The following PIEZO2 variants were observed in gnomAD, a reference collection of about 807,000 sequenced individuals.
PIEZO2 encodes piezo type mechanosensitive ion channel component 2.
A neutral mutation model predicts 337.3 loss-of-function variants in PIEZO2; 172 were observed. The ratio of observed to expected loss-of-function variants is 0.51; its 90% confidence interval spans 0.45 to 0.58. PIEZO2 has a LOEUF of 0.58. Ranked by LOEUF, PIEZO2 falls within the 20% of genes least tolerant of loss-of-function variation. PIEZO2 has a pLI of 0.00. For synonymous variants in PIEZO2, 1,251 were observed against 1,228.5 expected (o/e 1.02, Z -0.38); for missense variants, 3,028 against 3,391.3 (o/e 0.89, Z 2.66).
intron 2 of PIEZO2, among the ~76,000 whole-genome samples, chr18:11,005,781 C>A (rs2145629785): frequency 6.6e-6 from 1 of 152,308 alleles, no homozygotes; most frequent in South Asian, 2.1e-4. Flanking sequence ...CTCCTTAACC[C>A]TGAACTGTGC....
chr18:10,927,061 G>C (rs1343217022), intron 3 of PIEZO2, among the ~76,000 whole-genome samples: 1 of 152,156 alleles, frequency 6.6e-6, no homozygotes, highest in Non-Finnish European at 1.5e-5. Context: ...GGAGCCTTGC[G>C]TTTCTGACCT....
Position 10,973,356 on chromosome 18 carries a change from C to T in PIEZO2, c.286+6179G>A, listed in dbSNP as rs945985776. On this transcript the variant is annotated intron_variant, in intron 3 of 55. Transcript: ENST00000674853. The surrounding 1 kb of genome is among the most constrained non-coding windows in gnomAD (Gnocchi z 4.9). The stretch of plus-strand genomic sequence containing the variant: ...GTTCTCTTTCAGCAATGCTTCCATC[C>T]AGAATCTACTGATCATAAATGTGTC... 2.6e-5 allele frequency among the ~76,000 whole-genome samples: 4 copies of T among 152,206 alleles called. No individual in the cohort carries two copies. Among genetic ancestry groups the T allele is most frequent in the Non-Finnish European group, 5.9e-5 (4 of 68,030 alleles).
chr18:10,983,942 A>G (rs2034771301), intron 2 of PIEZO2, among the ~76,000 whole-genome samples: 2 of 152,140 alleles, frequency 1.3e-5, no homozygotes, highest in Admixed American at 1.3e-4. Context: ...GATAGAGAGA[A>G]GGCACACAAT....
At chr18:10,886,685 ATTG>A (rs2042617079) in intron 4 of PIEZO2, among the ~76,000 whole-genome samples, 1 of 151,218 alleles carries the variant, frequency 6.6e-6, no homozygotes, top group Non-Finnish European at 1.5e-5. Flanking sequence ...AAAATATCTT[ATTG>A]TGCTGTGCTC....
At position 10,764,497 on chromosome 18, in the gene PIEZO2, C is replaced by T. The variant is rs187869172; in HGVS notation, c.2947-1399G>A. On this transcript the variant is annotated intron_variant, in intron 21 of 55. Coordinates refer to ENST00000674853, the MANE Select transcript of PIEZO2 (RefSeq NM_001378183.1). ...TCTACTAAAAATACAAAAAATTAGCCGGGCGTGGTGGCAGGCTCCTGTAAT... is the reference window on the plus strand; with the variant it reads ...TCTACTAAAAATACAAAAAATTAGCTGGGCGTGGTGGCAGGCTCCTGTAAT... 8.3e-4 allele frequency among the ~76,000 whole-genome samples: 126 copies of T among 151,440 alleles called. 2 individuals are homozygous for T. In the East Asian group the frequency reaches 0.017, roughly 20 times the overall value.
chr18:11,145,962 G>A (rs1449251140), intron 1 of PIEZO2, among the ~76,000 whole-genome samples: 1 of 152,080 alleles, frequency 6.6e-6, no homozygotes, highest in African/African-American at 2.4e-5. Context: ...CAGGTTCCAG[G>A]CTGAGCAAGG....
chr18:11,114,983 T>C (rs549767338), intron 1 of PIEZO2, among the ~76,000 whole-genome samples: 1 of 152,356 alleles, frequency 6.6e-6, no homozygotes, highest in Admixed American at 6.5e-5. Flanking sequence ...AATCTGGTTA[T>C]AAGTAAGGAC....
intron 7 of PIEZO2, among the ~76,000 whole-genome samples, chr18:10,809,447 T>C (rs2040114494): frequency 6.6e-6 from 1 of 151,842 alleles, no homozygotes; most frequent in Non-Finnish European, 1.5e-5. Context: ...TTTTTGTATT[T>C]GTAGTAGGGA....
At chr18:10,753,749 CTAGCAT>C (rs2037735161) in intron 27 of PIEZO2, among the ~76,000 whole-genome samples, 1 of 152,184 alleles carries the variant, frequency 6.6e-6, no homozygotes, top group African/African-American at 2.4e-5. Context: ...CTTGAGCTAT[CTAGCAT>C]TATTAGGGGG....
chr18:11,022,713 T>A (rs2036357027), intron 2 of PIEZO2, among the ~76,000 whole-genome samples: 1 of 152,252 alleles, frequency 6.6e-6, no homozygotes, highest in African/African-American at 2.4e-5. Context: ...GGGACAGAAT[T>A]CAGTTCGTAA....
Position 10,746,102 on chromosome 18 carries a change from T to A in PIEZO2, c.4425-1871A>T, listed in dbSNP as rs2037411876. On this transcript the variant is annotated intron_variant, in intron 30 of 55. Coordinates refer to ENST00000674853, the MANE Select transcript of PIEZO2 (RefSeq NM_001378183.1). The surrounding 1 kb of genome is among the most constrained non-coding windows in gnomAD (Gnocchi z 4.2). The stretch of plus-strand genomic sequence containing the variant: ...TCTAGCTGCTATCTCTACCCTGGAT[T>A]ATCATAGCAGCTGCTTAGCTGTCTC... Among the ~76,000 whole-genome samples the A allele has an allele frequency of 6.6e-6, 1 of 152,190 alleles. No individual in the cohort carries two copies. The highest frequency in any genetic ancestry group is 2.1e-4 in the South Asian group (1 of 4,826).
rs2042859445 is a variant in PIEZO2, at chr18:10,895,129, C to T, written c.329+16057G>A. ...TTAGATGCCACTGGCTTCTAGCTCC[C>T]ACCAGGTTATTTGGTAGAAAGTCAA... is the stretch of plus-strand genomic sequence containing the variant. On this transcript the variant is annotated intron_variant, in intron 4 of 55. Coordinates refer to ENST00000674853, the MANE Select transcript of PIEZO2 (RefSeq NM_001378183.1). This position sits in a 1 kb window ranked among gnomAD's most constrained non-coding sequence, Gnocchi z 4.8. Among the ~76,000 whole-genome samples the T allele has an allele frequency of 1.3e-5, 2 of 152,182 alleles. No homozygotes were observed. The highest frequency in any genetic ancestry group is 2.9e-5 in the Non-Finnish European group (2 of 68,030).
intron 2 of PIEZO2, among the ~76,000 whole-genome samples, chr18:10,985,717 A>T (rs867103432): frequency 6.6e-6 from 1 of 151,936 alleles, no homozygotes; most frequent in South Asian, 2.1e-4. Flanking sequence ...ATTACAAAAG[A>T]CAAACCTGTA....
rs1276521265 is a variant in PIEZO2, at chr18:11,069,927, C to T, written c.65-3705G>A. ...TAAAAAATCCCATTCACAATAGCTA[C>T]AAATAATACTTAGAAATAAATCTAA... On this transcript the variant is annotated intron_variant, in intron 1 of 55. Coordinates refer to ENST00000674853, the MANE Select transcript of PIEZO2 (RefSeq NM_001378183.1). This position sits in a 1 kb window ranked among gnomAD's most constrained non-coding sequence, Gnocchi z 4.9. 6.6e-6 allele frequency among the ~76,000 whole-genome samples: 1 copy of T among 152,102 alleles called. No individual in the cohort carries two copies. The highest frequency in any genetic ancestry group is 2.4e-5 in the African/African-American group (1 of 41,416).
At chr18:10,807,717 T>C (rs1568082321) in intron 7 of PIEZO2, among the ~76,000 whole-genome samples, 3 of 152,230 alleles carry the variant, frequency 2.0e-5, no homozygotes, top group Non-Finnish European at 2.9e-5. Context: ...TCAGCATTAG[T>C]TGTACTCAGC....
intron 31 of PIEZO2, 149 bp from the exon 32 acceptor site, chr18:10,742,764 A>G: frequency 6.5e-6 from 5 of 769,494 alleles, no homozygotes; most frequent in Non-Finnish European, 1.0e-5. Context: ...GTTGCTCATT[A>G]GCAACAAGGA....
rs879632592 is a variant in PIEZO2 at position 10,730,873 on chromosome 18, T to C, written c.5029+534A>G. On this transcript the variant is annotated intron_variant, in intron 36 of 55. Coordinates refer to ENST00000674853, the MANE Select transcript of PIEZO2 (RefSeq NM_001378183.1). ...TCCCGAGTAGCTGGGACTACAGGCG[T>C]CCGCTACCACGCCGGGCTAATTTTT... 1.8e-4 allele frequency among the ~76,000 whole-genome samples: 28 copies of C among 152,114 alleles called. No homozygotes were observed. The East Asian group carries it at 3.1e-3, about 17-fold the overall frequency.
chr18:10,990,951 CTGTAGAATG>C (rs2035067308), intron 2 of PIEZO2, among the ~76,000 whole-genome samples: 1 of 151,804 alleles, frequency 6.6e-6, no homozygotes, highest in African/African-American at 2.4e-5. Flanking sequence ...AAATATTAAT[CTGTAGAATG>C]TGTAGATTTT....
intron 2 of PIEZO2, among the ~76,000 whole-genome samples, chr18:11,045,773 T>C (rs1414346195): frequency 1.3e-5 from 2 of 152,172 alleles, no homozygotes; most frequent in Admixed American, 6.5e-5. Flanking sequence ...ATAATGAGGA[T>C]TAACTATATT....
Sources: allele counts gnomAD v4.1 joint callset (sites outside exome capture counted in the v4.1 genomes callset), GRCh38; gene constraint gnomAD v4.1.1; non-coding constraint Gnocchi (gnomAD v3.1); transcripts MANE v1.5; gene names NCBI Gene and HGNC (gene_info 2026-07-23, HGNC 2026-07-21).